Variants in ARHGAP24 observed in about 807,000 individuals in gnomAD.
ARHGAP24 encodes rho GTPase-activating protein 24.
Under a neutral mutation model 76.4 loss-of-function variants are expected in ARHGAP24, and 50 were observed. That is an observed-to-expected ratio of 0.65 (90% confidence interval 0.52 to 0.83). The LOEUF (loss-of-function observed/expected upper bound fraction) is 0.83. ARHGAP24 is among the 40% of genes least tolerant of loss of function. The probability of loss-of-function intolerance (pLI) is 0.00; values close to 1 mark genes in which losing one functional copy is unlikely to be tolerated. For missense variants in ARHGAP24, 930 were observed against 914.2 expected (o/e 1.02, Z -0.22); for synonymous variants, 345 against 323.3 (o/e 1.07, Z -0.72).
intron 3 of ARHGAP24, among the ~76,000 whole-genome samples, chr4:85,858,076 G>C (rs1731686563): frequency 6.6e-6 from 1 of 152,004 alleles, no homozygotes; most frequent in East Asian, 1.9e-4. Flanking sequence ...GTCACCATAA[G>C]ACTTGTGAGA....
Position 85,515,741 on chromosome 4 carries a change from T to C in ARHGAP24, c.-21+40182T>C, listed in dbSNP as rs993150264. Among the ~76,000 whole-genome samples the C allele has an allele frequency of 5.3e-5, 8 of 152,300 alleles. 1 individual carries two copies. The highest frequency in any genetic ancestry group is 1.9e-4 in the East Asian group (1 of 5,182). The stretch of plus-strand genomic sequence containing the variant: ...ATCTATTACTATTACAAAATAATGG[T>C]AGAATTAATCATGAACATATGTTGT... On this transcript the variant is annotated intron_variant, in intron 1 of 9. Coordinates refer to ENST00000395184, the MANE Select transcript of ARHGAP24 (RefSeq NM_001025616.3).
intron 2 of ARHGAP24, among the ~76,000 whole-genome samples, chr4:85,642,862 C>G (rs1050861753): frequency 2.6e-5 from 4 of 152,136 alleles, no homozygotes; most frequent in African/African-American, 9.7e-5. Context: ...ATAGTCCCGT[C>G]GTTCTCAGAA....
chr4:85,587,630 A>G (rs1036090543), intron 2 of ARHGAP24, among the ~76,000 whole-genome samples: 4 of 152,164 alleles, frequency 2.6e-5, no homozygotes, highest in African/African-American at 9.7e-5. Context: ...TATACACTTT[A>G]GTCAAATTGA....
intron 3 of ARHGAP24, among the ~76,000 whole-genome samples, chr4:85,741,203 G>A (rs1437305294): frequency 1.3e-5 from 2 of 152,084 alleles, no homozygotes; most frequent in Non-Finnish European, 2.9e-5. Context: ...GTGGTTATTT[G>A]TTTCCCACTA....
At position 85,553,081 on chromosome 4, in the gene ARHGAP24, A is replaced by G. The variant is rs112591193; in HGVS notation, c.-20-17441A>G. Reference sequence around the variant, plus strand: ...CAGGAGTGAAGCTGCAGACCTTCGCAGTGAGCATTACAGTTCATAAAGGCA... The same window carrying G: ...CAGGAGTGAAGCTGCAGACCTTCGCGGTGAGCATTACAGTTCATAAAGGCA... On this transcript the variant is annotated intron_variant, in intron 1 of 9. Coordinates refer to ENST00000395184, the MANE Select transcript of ARHGAP24 (RefSeq NM_001025616.3). 1.4e-4 allele frequency among the ~76,000 whole-genome samples: 22 copies of G among 152,020 alleles called. 1 individual carries two copies. The highest frequency in any genetic ancestry group is 5.3e-4 in the African/African-American group (22 of 41,464).
chr4:85,914,278 T>C (rs971384049), intron 3 of ARHGAP24, among the ~76,000 whole-genome samples: 1 of 152,240 alleles, frequency 6.6e-6, no homozygotes, highest in African/African-American at 2.4e-5. Context: ...CTAAAATTTA[T>C]AGCCTCTACC....
At chr4:85,506,456 C>T (rs1179347224) in intron 1 of ARHGAP24, among the ~76,000 whole-genome samples, 1 of 152,212 alleles carries the variant, frequency 6.6e-6, no homozygotes. Context: ...CAATGGCGGA[C>T]GCCCCTCCCC....
At chr4:85,871,546 A>T (rs376371169) in intron 3 of ARHGAP24, among the ~76,000 whole-genome samples, 2 of 152,274 alleles carry the variant, frequency 1.3e-5, no homozygotes, top group South Asian at 2.1e-4. Context: ...CCTAAGCTAA[A>T]TGTATACCCA....
chr4:85,966,616 G>A (rs1369926518), intron 5 of ARHGAP24, among the ~76,000 whole-genome samples: 1 of 152,146 alleles, frequency 6.6e-6, no homozygotes, highest in Non-Finnish European at 1.5e-5. Flanking sequence ...TAGTGTCTTT[G>A]GAATTGCTTT....
chr4:85,871,523 A>G (rs760919630), intron 3 of ARHGAP24, among the ~76,000 whole-genome samples: 2 of 152,178 alleles, frequency 1.3e-5, no homozygotes, highest in Admixed American at 6.6e-5. Flanking sequence ...CTACATACAC[A>G]TATTCCACGA....
At chr4:85,777,957 C>A (rs1840059) in intron 3 of ARHGAP24, among the ~76,000 whole-genome samples, 7,396 of 152,094 alleles carry the variant, frequency 0.049, 597 homozygotes, top group African/African-American at 0.17. Flanking sequence ...ATACAATCAA[C>A]AATAATCAAA....
At chr4:85,917,777 A>G (rs1350212895) in intron 3 of ARHGAP24, among the ~76,000 whole-genome samples, 3 of 152,176 alleles carry the variant, frequency 2.0e-5, no homozygotes, top group African/African-American at 4.8e-5. Context: ...AATTTTATTG[A>G]CAACTTACAT....
intron 1 of ARHGAP24, among the ~76,000 whole-genome samples, chr4:85,557,631 G>T (rs556886534): frequency 6.7e-6 from 1 of 149,214 alleles, no homozygotes; most frequent in South Asian, 2.3e-4. Context: ...TGTTCACCTG[G>T]ATGTTCCGGT....
intron 3 of ARHGAP24, among the ~76,000 whole-genome samples, chr4:85,756,555 TAA>T (rs776299126): frequency 1.3e-5 from 2 of 152,204 alleles, no homozygotes; most frequent in African/African-American, 4.8e-5. Flanking sequence ...TTTAAAAATA[TAA>T]GTCAAGATGC....
intron 4 of ARHGAP24, chr4:85,931,062 A>C (rs1482985812): frequency 6.2e-7 from 1 of 1,604,268 alleles, no homozygotes; most frequent in Non-Finnish European, 8.5e-7. Context: ...TAATATGTTC[A>C]TGTCCTTTTT....
At chr4:85,541,575 C>G (rs1175709843) in intron 1 of ARHGAP24, among the ~76,000 whole-genome samples, 1 of 151,822 alleles carries the variant, frequency 6.6e-6, no homozygotes, top group African/African-American at 2.4e-5. Context: ...TGAAAATAAT[C>G]CATATTATTT....
At chr4:85,560,442 G>A (rs962559740) in intron 1 of ARHGAP24, among the ~76,000 whole-genome samples, 3 of 151,956 alleles carry the variant, frequency 2.0e-5, no homozygotes, top group East Asian at 1.9e-4. Flanking sequence ...AAATGAATAC[G>A]GAAACGTTGA....
chr4:85,536,627 A>G (rs1030612270), intron 1 of ARHGAP24, among the ~76,000 whole-genome samples: 3 of 152,192 alleles, frequency 2.0e-5, no homozygotes, highest in African/African-American at 7.2e-5. Context: ...GAATGAAAGC[A>G]GTGTTCAGAC....
At chr4:85,686,425 A>G (rs1210941383) in intron 2 of ARHGAP24, among the ~76,000 whole-genome samples, 1 of 152,200 alleles carries the variant, frequency 6.6e-6, no homozygotes, top group Non-Finnish European at 1.5e-5. Flanking sequence ...CAAGAACTTT[A>G]TTTGTATTCT....
Sources: gnomAD v4.1 joint callset for allele counts (sites outside exome capture counted in the v4.1 genomes callset) on GRCh38, gnomAD v4.1.1 for gene constraint, MANE v1.5 for transcripts, NCBI Gene and HGNC (gene_info 2026-07-23, HGNC 2026-07-21) for gene names.